MLIP: variants seen among roughly 807,000 people sequenced by gnomAD.
MLIP encodes muscular LMNA interacting protein.
In MLIP, 79 loss-of-function variants were observed where a neutral mutation model predicts 84.8. That is an observed-to-expected ratio of 0.93 (90% CI 0.78 to 1.12). The LOEUF (loss-of-function observed/expected upper bound fraction) is 1.12, where lower values mean the gene tolerates loss of function less well. MLIP is among the 50% of genes most tolerant of loss of function. The pLI is 0.00. For missense variants in MLIP, 1,257 were observed against 1,160.6 expected (o/e 1.08, Z -1.21); for synonymous variants, 504 against 463.0 (o/e 1.09, Z -1.14).
rs548247103 is a variant in MLIP, at chr6:54,201,399, G to A, written c.2590-706G>A. ...GGAGTCAATTCTGGAAAGCCCTCTG[G>A]TGTCTCTCCTTTCTGGGCTGCCCCT... On this transcript the variant is annotated intron_variant, in intron 10 of 13. Transcript: ENST00000502396. Among the ~76,000 whole-genome samples the A allele has an allele frequency of 2.0e-5, 3 of 152,314 alleles. No homozygotes were observed. In the South Asian group the frequency reaches 6.2e-4, roughly 32 times the overall value.
chr6:54,079,849 A>G (rs915469606), intron 1 of MLIP: 2 of 152,030 alleles, frequency 1.3e-5, no homozygotes, highest in African/African-American at 4.8e-5. Context: ...CTCCTCTTTT[A>G]TGTTATCTAA....
intron 9 of MLIP, among the ~76,000 whole-genome samples, chr6:54,185,045 T>C (rs1392696174): frequency 6.6e-6 from 1 of 152,232 alleles, no homozygotes; most frequent in African/African-American, 2.4e-5. Context: ...GGTGTTCAAA[T>C]GTAGCAACCT....
chr6:54,223,528 G>T (rs1409680385), intron 11 of MLIP, among the ~76,000 whole-genome samples: 2 of 151,984 alleles, frequency 1.3e-5, no homozygotes, highest in Non-Finnish European at 1.5e-5. Flanking sequence ...CCTTGTCAAA[G>T]ATTAGTTGTC....
At chr6:54,178,324 C>T (rs540702296) in intron 9 of MLIP, among the ~76,000 whole-genome samples, 1 of 152,034 alleles carries the variant, frequency 6.6e-6, no homozygotes, top group African/African-American at 2.4e-5. Flanking sequence ...TATTAGTCTG[C>T]CTAAAGATTT....
rs763338445 is a variant in MLIP, at chr6:54,138,208, A to G, written c.2139A>G (p.Ile713Met). The part of the protein sequence containing the change: ...RSPVSTPSLP[I>M]SLTRTEELIS... ...CTGTTTCAACCCCATCACTTCCCAT[A>G]TCTCTAACAAGGACAGAGGAGCTGA... Residue 713 changes from isoleucine (I) to methionine (M), a missense_variant, in exon 4 of 14, where the codon ATA becomes ATG. Physicochemically the swap from Ile to Met is conservative, Grantham distance 10. Coordinates refer to ENST00000502396, the MANE Select transcript of MLIP (RefSeq NM_001281747.2). 82 of 1,535,924 alleles carry G rather than the reference A, an allele frequency of 5.3e-5. No individual in the cohort carries two copies. Among genetic ancestry groups the G allele is most frequent in the Non-Finnish European group, 6.7e-5 (77 of 1,146,870 alleles).
At chr6:54,215,058 G>A in intron 11 of MLIP, 1 of 959,576 alleles carries the variant, frequency 1.0e-6, no homozygotes, top group Non-Finnish European at 1.6e-6. Context: ...CTGGACCCTG[G>A]TCTCTGCCTT....
rs945011618 is a variant in MLIP, at chr6:54,202,047, G to A, written c.2590-58G>A. On this transcript the variant is annotated intron_variant, in intron 10 of 13. Transcript: ENST00000502396. ...GAATGACTTAACAATAAACATATTT[G>A]TTCATTTTAATAGTGTTTTTTTCCT... 1.0e-5 allele frequency: 13 copies of A among 1,241,330 alleles called. No homozygotes were observed. The East Asian group carries it at 3.4e-4, about 33-fold the overall frequency. The allele number at this position is 1,241,330 out of a possible 1,614,324, so 76.9% of individuals were successfully genotyped here. A position where few individuals can be genotyped will look rare whatever the true frequency, so the allele number is the denominator to read the frequency against.
chr6:54,126,518 T>C (rs1265772374), intron 3 of MLIP, among the ~76,000 whole-genome samples: 2 of 151,862 alleles, frequency 1.3e-5, no homozygotes, highest in East Asian at 3.9e-4. Context: ...GGTGGAATAC[T>C]AGATCCTAAA....
chr6:54,170,307 A>G (rs148933207), intron 9 of MLIP, among the ~76,000 whole-genome samples: 19 of 151,842 alleles, frequency 1.3e-4, no homozygotes, highest in African/African-American at 4.6e-4. Flanking sequence ...TGTAGTTTTT[A>G]TCATAATTAT....
At chr6:54,025,287 A>G (rs1763736308) in intron 1 of MLIP, among the ~76,000 whole-genome samples, 1 of 152,176 alleles carries the variant, frequency 6.6e-6, no homozygotes, top group Non-Finnish European at 1.5e-5. Flanking sequence ...TATTCTGCCA[A>G]TGTTTCTGAT....
chr6:54,180,581 A>T (rs933056514), intron 9 of MLIP, among the ~76,000 whole-genome samples: 1 of 152,126 alleles, frequency 6.6e-6, no homozygotes, highest in African/African-American at 2.4e-5. Context: ...CTTTGAGCTT[A>T]TTAATTCTTT....
At chr6:54,175,362 C>A (rs1776180239) in intron 9 of MLIP, among the ~76,000 whole-genome samples, 1 of 151,934 alleles carries the variant, frequency 6.6e-6, no homozygotes, top group Non-Finnish European at 1.5e-5. Context: ...AATATTGATT[C>A]TTTAAATCCA....
intron 3 of MLIP, among the ~76,000 whole-genome samples, chr6:54,130,994 G>T (rs562319348): frequency 6.6e-6 from 1 of 152,262 alleles, no homozygotes; most frequent in South Asian, 2.1e-4. Context: ...AAAGGTAAGC[G>T]ATTCAAGTGC....
intron 11 of MLIP, among the ~76,000 whole-genome samples, chr6:54,207,758 T>A (rs1394989398): frequency 6.6e-6 from 1 of 152,228 alleles, no homozygotes; most frequent in Non-Finnish European, 1.5e-5. Flanking sequence ...ATGTGTTCTA[T>A]GTTTTGTTAA....
At chr6:54,117,639 A>G (rs1199488839) in intron 1 of MLIP, among the ~76,000 whole-genome samples, 1 of 151,834 alleles carries the variant, frequency 6.6e-6, no homozygotes, top group Non-Finnish European at 1.5e-5. Context: ...TGCAGATGAC[A>G]GGATCTTATA....
rs1770435520 is a variant in MLIP at position 54,121,374 on chromosome 6, A to T, written c.97-73A>T. ...CATCAAAATAAATGAGATAAATATC[A>T]TGTCATATGGAGAATAAAGGCAAGA... On this transcript the variant is annotated intron_variant, in intron 1 of 13. Coordinates refer to ENST00000502396, the MANE Select transcript of MLIP (RefSeq NM_001281747.2). 5.5e-6 allele frequency: 8 copies of T among 1,457,936 alleles called. No individual in the cohort carries two copies. In the South Asian group the frequency reaches 8.4e-5, roughly 15 times the overall value. 90.3% of individuals were successfully genotyped at this position (1,457,936 alleles called of 1,614,324 possible).
intron 1 of MLIP, among the ~76,000 whole-genome samples, chr6:54,049,634 C>G (rs1582031835): frequency 6.6e-6 from 1 of 152,162 alleles, no homozygotes; most frequent in East Asian, 1.9e-4. Flanking sequence ...GCTTTCTTAC[C>G]CTACAAGATG....
rs141773711 is a variant in MLIP, at chr6:54,136,938, C to T, written c.869C>T (p.Ser290Leu). ...TTAHSTPFSASKGTSSTLLFP... is the reference protein window; with the variant it reads ...TTAHSTPFSALKGTSSTLLFP... ...GCTCACTCTACACCCTTTTCTGCAT[C>T]GAAGGGCACCTCCTCGACGTTACTG... The change falls in exon 4 of 14, where the codon TCG becomes TTG. Residue 290 changes from serine (S) to leucine (L), a missense_variant. Coordinates refer to ENST00000502396, the MANE Select transcript of MLIP (RefSeq NM_001281747.2). 3.0e-4 allele frequency: 459 copies of T among 1,536,020 alleles called. 1 individual carries two copies. In the African/African-American group the frequency reaches 5.1e-3, roughly 17 times the overall value.
At chr6:54,138,328 A>G (rs2150489196) in intron 4 of MLIP, 42 bp downstream of exon 4, 2 of 1,480,888 alleles carry the variant, frequency 1.4e-6, no homozygotes, top group East Asian at 5.0e-5. Flanking sequence ...ATTTTGAAAC[A>G]GGGAAGAATC....
Sources: gnomAD v4.1 joint callset for allele counts (sites outside exome capture counted in the v4.1 genomes callset) on GRCh38, gnomAD v4.1.1 for gene constraint, MANE v1.5 for transcripts, NCBI Gene and HGNC (gene_info 2026-07-23, HGNC 2026-07-21) for gene names.